SNRK: variants seen among roughly 807,000 people sequenced by gnomAD.
The protein encoded by SNRK is SNF-related serine/threonine-protein kinase.
Under a neutral mutation model 48.2 loss-of-function variants are expected in SNRK, and 3 were observed. The ratio of observed to expected loss-of-function variants is 0.06; its 90% CI spans 0.03 to 0.16. The LOEUF (loss-of-function observed/expected upper bound fraction) is 0.16, where lower values mean the gene tolerates loss of function less well. Ranked by LOEUF, SNRK falls within the 10% of genes least tolerant of loss-of-function variation. The pLI, the probability that SNRK is intolerant of heterozygous loss-of-function variation, is 1.00. For synonymous variants in SNRK, 376 were observed against 366.1 expected, an observed-to-expected ratio of 1.03 and a Z score of -0.31; for missense variants, 627 against 976.0, an observed-to-expected ratio of 0.64 and a Z score of 4.76.
Position 43,332,191 on chromosome 3 carries a change from C to T in SNRK, c.612C>T (p.Ile204=), listed in dbSNP as rs184266995. Residue 204 remains isoleucine (I), a synonymous_variant, in exon 4 of 7, where the codon ATC becomes ATT. Transcript: ENST00000296088. ...PAVDIWSLGV[I]LFMLVCGQPP... ...TAGATATTTGGAGTCTGGGAGTGAT[C>T]CTTTTCATGTTGGTGTGTGGGCAGC... is the stretch of plus-strand genomic sequence containing the variant. The T allele has an allele frequency of 2.1e-4, 342 of 1,591,646 alleles. No homozygotes were observed. In the African/African-American group the frequency reaches 3.3e-3, roughly 16 times the overall value.
chr3:43,298,607 T>C (rs981793393), intron 1 of SNRK, among the ~76,000 whole-genome samples: 12 of 152,240 alleles, frequency 7.9e-5, no homozygotes, highest in African/African-American at 2.7e-4. Flanking sequence ...GCACTCCTTT[T>C]CTCCCAAGTG....
At position 43,347,871 on chromosome 3, in the gene SNRK, T is replaced by C; in HGVS notation, c.1612T>C (p.Cys538Arg). The C allele has an allele frequency of 6.2e-7, 1 of 1,614,136 alleles. No individual in the cohort carries two copies. Among genetic ancestry groups the C allele is most frequent in the Non-Finnish European group, 8.5e-7 (1 of 1,180,034 alleles). ...RRKSQGRGSS[C>R]SSSETSDDDS... ...GAAAAGTCAGGGCCGGGGCTCCAGC[T>C]GCAGTAGTTCGGAGACCAGTGATGA... The change falls in exon 7 of 7, where the codon TGC becomes CGC. Residue 538 changes from cysteine (C) to arginine (R), a missense_variant. Cys to Arg is a radical substitution (Grantham distance 180, BLOSUM62 -3). Around this residue, in one of 4 missense-constraint regions of SNRK, gnomAD observed 98 missense variants for 175.2 expected, o/e 0.56. Coordinates refer to ENST00000296088, the MANE Select transcript of SNRK (RefSeq NM_017719.5). This position sits in a 1 kb window ranked among gnomAD's most constrained non-coding sequence, Gnocchi z 5.4.
chr3:43,329,651 A>G (rs2091130950), intron 3 of SNRK, among the ~76,000 whole-genome samples: 1 of 152,168 alleles, frequency 6.6e-6, no homozygotes, highest in African/African-American at 2.4e-5. Flanking sequence ...GCATTTCTAT[A>G]TTTAGAAATT....
intron 4 of SNRK, among the ~76,000 whole-genome samples, chr3:43,338,235 CAAAAT>C (rs1020496608): frequency 1.3e-5 from 2 of 152,172 alleles, no homozygotes; most frequent in African/African-American, 4.8e-5. Flanking sequence ...ACTATCCTGT[CAAAAT>C]AAAATTGTTT....
chr3:43,328,797 C>T (rs2091122765), intron 3 of SNRK, among the ~76,000 whole-genome samples: 1 of 152,170 alleles, frequency 6.6e-6, no homozygotes, highest in South Asian at 2.1e-4. Context: ...CTGTTTCCCA[C>T]ATCTGTTTCA....
At chr3:43,312,125 C>T (rs1057501155) in intron 3 of SNRK, among the ~76,000 whole-genome samples, 5 of 152,074 alleles carry the variant, frequency 3.3e-5, no homozygotes, top group Non-Finnish European at 7.4e-5. Flanking sequence ...TTATTTTAGG[C>T]GTTTCCTAGT....
chr3:43,311,600 G>A (rs965091082), intron 3 of SNRK, among the ~76,000 whole-genome samples: 1 of 152,190 alleles, frequency 6.6e-6, no homozygotes, highest in Non-Finnish European at 1.5e-5. Flanking sequence ...AATTCCTGTG[G>A]TAGAGTGCAG....
chr3:43,314,572 T>C (rs2091001398), intron 3 of SNRK, among the ~76,000 whole-genome samples: 1 of 152,194 alleles, frequency 6.6e-6, no homozygotes, highest in Non-Finnish European at 1.5e-5. Context: ...GACTCTTTCC[T>C]ATAAAAGAGT....
chr3:43,302,724 T>A (rs1257051914), intron 2 of SNRK, among the ~76,000 whole-genome samples: 2 of 152,102 alleles, frequency 1.3e-5, no homozygotes, highest in East Asian at 1.9e-4. Flanking sequence ...CAAATGTTTA[T>A]TCTTTGTGTT....
rs1360833942 is a variant in SNRK at position 43,348,904 on chromosome 3, G to A, written c.*347G>A. 3 of 172,498 alleles carry A rather than the reference G, an allele frequency of 1.7e-5. No individual in the cohort carries two copies. Among genetic ancestry groups the A allele is most frequent in the Non-Finnish European group, 3.7e-5 (3 of 81,708 alleles). 10.7% of individuals were successfully genotyped at this position (172,498 alleles called of 1,614,324 possible). On this transcript the variant is annotated 3_prime_UTR_variant, in exon 7 of 7. Transcript: ENST00000296088. ...AGAGAGAGAAAAAATGCTTTTCTTT[G>A]TGAAAAATCTGAATTCCTGTCCTGA... is the stretch of plus-strand genomic sequence containing the variant.
At chr3:43,334,759 A>G (rs1049412747) in intron 4 of SNRK, among the ~76,000 whole-genome samples, 1 of 151,948 alleles carries the variant, frequency 6.6e-6, no homozygotes, top group Non-Finnish European at 1.5e-5. Flanking sequence ...GTGCCCAGCT[A>G]ATGTTTGTAT....
At chr3:43,291,945 C>G (rs1164717794) in intron 1 of SNRK, among the ~76,000 whole-genome samples, 1 of 152,178 alleles carries the variant, frequency 6.6e-6, no homozygotes, top group African/African-American at 2.4e-5. Context: ...TGGCTTGGCC[C>G]TGCTTTTTCA....
intron 5 of SNRK, among the ~76,000 whole-genome samples, chr3:43,341,336 A>T (rs2091235323): frequency 6.6e-6 from 1 of 152,094 alleles, no homozygotes; most frequent in Admixed American, 6.5e-5. Context: ...ATTTTTTAGT[A>T]GAGACGGAGT....
chr3:43,309,506 C>T (rs961794659), intron 3 of SNRK, among the ~76,000 whole-genome samples: 5 of 152,156 alleles, frequency 3.3e-5, no homozygotes, highest in African/African-American at 1.2e-4. Context: ...CAACCTTCAG[C>T]AACCACCACC....
intron 4 of SNRK, among the ~76,000 whole-genome samples, chr3:43,337,997 G>GC (rs2091204336): frequency 6.6e-6 from 1 of 152,122 alleles, no homozygotes; most frequent in African/African-American, 2.4e-5. Flanking sequence ...CAGTCCCTCC[G>GC]CCTCAGCCTT....
At chr3:43,310,948 T>C (rs1008976194) in intron 3 of SNRK, among the ~76,000 whole-genome samples, 2 of 152,310 alleles carry the variant, frequency 1.3e-5, no homozygotes, top group East Asian at 1.9e-4. Flanking sequence ...CTTGGGGATG[T>C]TAGTTGTTTG....
At chr3:43,316,214 C>T (rs1041737900) in intron 3 of SNRK, among the ~76,000 whole-genome samples, 1 of 152,016 alleles carries the variant, frequency 6.6e-6, no homozygotes, top group Non-Finnish European at 1.5e-5. Context: ...TTATTATTCT[C>T]ACTGTGTTAT....
chr3:43,292,253 T>G (rs1379628782), intron 1 of SNRK, among the ~76,000 whole-genome samples: 1 of 152,202 alleles, frequency 6.6e-6, no homozygotes, highest in African/African-American at 2.4e-5. Context: ...ACAACAAAAA[T>G]GTAGTGTTTT....
intron 5 of SNRK, 55 bp downstream of exon 5, chr3:43,340,554 GCT>G (rs1284815529): frequency 1.3e-6 from 2 of 1,487,896 alleles, no homozygotes; most frequent in South Asian, 1.1e-5. Context: ...CTTGGAATGG[GCT>G]CTCTCTACTT....
Sources: allele counts gnomAD v4.1 joint callset (sites outside exome capture counted in the v4.1 genomes callset), GRCh38; gene constraint gnomAD v4.1.1; regional missense constraint gnomAD v4.1.1; non-coding constraint Gnocchi (gnomAD v3.1); transcripts MANE v1.5; gene names NCBI Gene and HGNC (gene_info 2026-07-23, HGNC 2026-07-21).